The following TUBB3 variants were observed in gnomAD, a reference collection of about 807,000 sequenced individuals.
TUBB3 encodes the protein tubulin beta-3 chain.
TUBB3 carries 17 observed loss-of-function variants against 37.8 expected under a neutral mutation model. The ratio of observed to expected loss-of-function variants is 0.45; its 90% CI spans 0.31 to 0.67. The LOEUF (loss-of-function observed/expected upper bound fraction) is 0.67, where lower values mean the gene tolerates loss of function less well. Ranked by LOEUF, TUBB3 falls within the 30% of genes least tolerant of loss-of-function variation. TUBB3 has a pLI of 0.07. For synonymous variants in TUBB3, 332 were observed against 278.9 expected (o/e 1.19, Z -1.90); for missense variants, 262 against 657.9 (o/e 0.40, Z 6.58).
intron 1 of TUBB3, chr16:89,931,947 G>A (rs545072409): frequency 1.4e-4 from 45 of 314,436 alleles, no homozygotes; most frequent in Middle Eastern, 4.8e-4. Context: ...CAGGCAAGTC[G>A]CTTCCCATTT....
chr16:89,931,429 C>G (rs1008918335), intron 1 of TUBB3, among the ~76,000 whole-genome samples: 1 of 152,214 alleles, frequency 6.6e-6, no homozygotes, highest in Non-Finnish European at 1.5e-5. Context: ...CCCTGGGAAG[C>G]CTCCCAGCGT....
At position 89,923,462 on chromosome 16, in the gene TUBB3, A is replaced by T; in HGVS notation, c.57+4A>T. 1 of 1,490,940 alleles carries T rather than the reference A, an allele frequency of 6.7e-7. No individual in the cohort carries two copies. The allele number at this position is 1,490,940 out of a possible 1,614,324, so 92.4% of individuals were successfully genotyped here. A position where few individuals can be genotyped will look rare whatever the true frequency, so the allele number is the denominator to read the frequency against. On this transcript the variant is annotated splice_donor_region_variant and intron_variant, in intron 1 of 3. Coordinates refer to ENST00000315491, the MANE Select transcript of TUBB3 (RefSeq NM_006086.4). ...CGGCAACCAGATCGGGGCCAAGGTGAGGCTGCGCGCCCCGGCCTGTCCCGG... is the reference window on the plus strand; with the variant it reads ...CGGCAACCAGATCGGGGCCAAGGTGTGGCTGCGCGCCCCGGCCTGTCCCGG...
intron 1 of TUBB3, among the ~76,000 whole-genome samples, chr16:89,931,309 C>CA (rs1195348134): frequency 6.6e-6 from 1 of 152,246 alleles, no homozygotes; most frequent in Non-Finnish European, 1.5e-5. Flanking sequence ...TTCTGCAGCA[C>CA]ATGACTCACA....
chr16:89,932,662 A>G lies in TUBB3; in HGVS notation c.149A>G (p.Tyr50Cys). ...SDLQLERISV[Y>C]YNEASSHKYV... ...TTGCAGCTGGAGCGGATCAGCGTCTACTACAACGAGGCCTCTTGTGAGTGC... is the reference window on the plus strand; with the variant it reads ...TTGCAGCTGGAGCGGATCAGCGTCTGCTACAACGAGGCCTCTTGTGAGTGC... Residue 50 changes from tyrosine to cysteine, a missense_variant, in exon 2 of 4, where the codon TAC becomes TGC. Tyr to Cys is a radical substitution (Grantham distance 194). Coordinates refer to ENST00000315491, the MANE Select transcript of TUBB3 (RefSeq NM_006086.4). 6.2e-7 allele frequency: 1 copy of G among 1,613,964 alleles called. No homozygotes were observed. Among genetic ancestry groups the G allele is most frequent in the Non-Finnish European group, 8.5e-7 (1 of 1,179,966 alleles).
upstream of TUBB3, chr16:89,923,148 G>A (rs1264142872): frequency 1.2e-4 from 22 of 176,186 alleles, no homozygotes; most frequent in African/African-American, 2.4e-5. Context: ...GACCGCGCCC[G>A]GCCCAGCGCT....
intron 1 of TUBB3, among the ~76,000 whole-genome samples, chr16:89,923,975 CG>C (rs1254767950): frequency 6.6e-6 from 1 of 152,136 alleles, no homozygotes; most frequent in Non-Finnish European, 1.5e-5. Flanking sequence ...CACCCCTCGG[CG>C]TCCTAGCTCC....
In TUBB3 at chr16:89,933,260, G is replaced by T. The variant is rs550985703; in HGVS notation, c.167-208G>T. 25 of 703,370 alleles carry T rather than the reference G, an allele frequency of 3.6e-5. No homozygotes were observed. In the South Asian group the frequency reaches 3.7e-4, roughly 10 times the overall value. The allele number at this position is 703,370 out of a possible 1,614,324, so 43.6% of individuals were successfully genotyped here. On this transcript the variant is annotated intron_variant, in intron 2 of 3. Coordinates refer to ENST00000315491, the MANE Select transcript of TUBB3 (RefSeq NM_006086.4). ...GACTGAATCCTGCCTGTCCTGCTCCGTCCTGTCCTGCTCCGTCCTTAAACA... is the reference window on the plus strand; with the variant it reads ...GACTGAATCCTGCCTGTCCTGCTCCTTCCTGTCCTGCTCCGTCCTTAAACA...
upstream of TUBB3, among the ~76,000 whole-genome samples, chr16:89,922,874 C>G (rs890447526): frequency 2.0e-5 from 3 of 152,248 alleles, no homozygotes; most frequent in Non-Finnish European, 2.9e-5. Flanking sequence ...CTCCCCCACC[C>G]AAAACCGGCA....
intron 2 of TUBB3, 127 bp downstream of exon 2, chr16:89,932,806 G>A: frequency 1.3e-6 from 1 of 770,962 alleles, no homozygotes; most frequent in Non-Finnish European, 2.2e-6. Context: ...GGTTAGGTTG[G>A]CTGAGATGCC....
At position 89,932,632 on chromosome 16, in the gene TUBB3, C is replaced by T. The variant is rs2030318148; in HGVS notation, c.119C>T (p.Ser40Leu). Residue 40 changes from serine (S) to leucine (L), a missense_variant, in exon 2 of 4, where the codon TCG becomes TTG. This residue lies in a region of TUBB3 where 58 missense variants were observed against 74.2 expected (regional missense o/e 0.78). Transcript: ENST00000315491. Reference sequence around the variant, plus strand: ...CCCAGCGGCAACTACGTGGGCGACTCGGACTTGCAGCTGGAGCGGATCAGC... The same window carrying T: ...CCCAGCGGCAACTACGTGGGCGACTTGGACTTGCAGCTGGAGCGGATCAGC... ...IDPSGNYVGD[S>L]DLQLERISVY... 2.5e-6 allele frequency: 4 copies of T among 1,614,142 alleles called. No homozygotes were observed. The highest frequency in any genetic ancestry group is 3.4e-6 in the Non-Finnish European group (4 of 1,180,034).
At chr16:89,922,274 G>T (rs1259288399), upstream of TUBB3, 2 of 152,494 alleles carry the variant, frequency 1.3e-5, no homozygotes, top group African/African-American at 4.8e-5. Flanking sequence ...ATTTTGTGAA[G>T]TGAATGCTGA....
rs1003452748 is a variant in TUBB3 at position 89,928,776 on chromosome 16, G to A, written c.58-3795G>A. On this transcript the variant is annotated intron_variant, in intron 1 of 3. Coordinates refer to ENST00000315491, the MANE Select transcript of TUBB3 (RefSeq NM_006086.4). Reference sequence around the variant, plus strand: ...CCTGACCTCATGATCCGCCCACCTCGGCCTCCCAAAGTGCTAGGACCACAG... The same window carrying A: ...CCTGACCTCATGATCCGCCCACCTCAGCCTCCCAAAGTGCTAGGACCACAG... Among the ~76,000 whole-genome samples the A allele has an allele frequency of 4.0e-5, 6 of 151,850 alleles. No homozygotes were observed. The South Asian group carries it at 6.2e-4, about 16-fold the overall frequency.
chr16:89,924,279 G>C (rs560348798), intron 1 of TUBB3, among the ~76,000 whole-genome samples: 1 of 152,236 alleles, frequency 6.6e-6, no homozygotes, highest in African/African-American at 2.4e-5. Context: ...ATCATTAAGG[G>C]GACGTCGTGT....
In TUBB3 at chr16:89,935,810, C is replaced by T. The variant is rs1162051440; in HGVS notation, c.*6C>T. On this transcript the variant is annotated 3_prime_UTR_variant, in exon 4 of 4. Coordinates refer to ENST00000315491, the MANE Select transcript of TUBB3 (RefSeq NM_006086.4). ...AGGCCCAGGGCCCCAAGTGAAGCTGCTCGCAGCTGGAGTGAGAGGCAGGTG... is the reference window on the plus strand; with the variant it reads ...AGGCCCAGGGCCCCAAGTGAAGCTGTTCGCAGCTGGAGTGAGAGGCAGGTG... 1.9e-6 allele frequency: 3 copies of T among 1,611,740 alleles called. No individual in the cohort carries two copies. Among genetic ancestry groups the T allele is most frequent in the Middle Eastern group, 3.3e-4 (2 of 6,020 alleles).
chr16:89,934,252 T>C (rs376115145), intron 3 of TUBB3: 27 of 439,116 alleles, frequency 6.1e-5, no homozygotes, highest in East Asian at 7.2e-5. Flanking sequence ...CGTTCCCATG[T>C]CTGTGTCCTG....
intron 1 of TUBB3, chr16:89,931,964 C>T (rs563184057): frequency 1.3e-4 from 40 of 303,838 alleles, no homozygotes; most frequent in African/African-American, 7.2e-4. Flanking sequence ...ATTTGGGACC[C>T]CAAGGACCCT....
intron 1 of TUBB3, among the ~76,000 whole-genome samples, chr16:89,925,672 A>C (rs2030050900): frequency 6.6e-6 from 1 of 151,694 alleles, no homozygotes; most frequent in Non-Finnish European, 1.5e-5. Flanking sequence ...CGGGGGCGGC[A>C]AGAGCGTGTT....
Position 89,935,898 on chromosome 16 carries a change from CT to C in TUBB3, c.*97del. 6.8e-7 allele frequency: 1 copy of C among 1,464,796 alleles called. No individual in the cohort carries two copies. Among genetic ancestry groups the C allele is most frequent in the Admixed American group, 2.1e-5 (1 of 46,940 alleles). The allele number at this position is 1,464,796 out of a possible 1,614,324, so 90.7% of individuals were successfully genotyped here. ...GAGCCATCTTGCTGCCGACACCCTG[CT>C]TTCCCCTCGCCCTAGGGCTCCCTTG... is the stretch of plus-strand genomic sequence containing the variant. On this transcript the variant is annotated 3_prime_UTR_variant, in exon 4 of 4. Transcript: ENST00000315491.
intron 3 of TUBB3, 139 bp from the exon 4 acceptor site, chr16:89,934,590 G>A (rs2030388760): frequency 7.2e-6 from 6 of 837,784 alleles, no homozygotes; most frequent in Non-Finnish European, 1.2e-5. Context: ...GAGAAGGGGT[G>A]CTCAGTGGGG....
Sources: allele counts gnomAD v4.1 joint callset (sites outside exome capture counted in the v4.1 genomes callset), GRCh38; gene constraint gnomAD v4.1.1; regional missense constraint gnomAD v4.1.1; transcripts MANE v1.5; gene names NCBI Gene and HGNC (gene_info 2026-07-23, HGNC 2026-07-21).